GHR: variants seen among roughly 807,000 people sequenced by gnomAD.
GHR encodes GH receptor.
GHR carries 35 observed loss-of-function variants against 67.1 expected under a neutral mutation model. That is an observed-to-expected ratio of 0.52 (90% CI 0.40 to 0.69). The LOEUF is 0.69. Ranked by LOEUF, GHR falls within the 30% of genes least tolerant of loss-of-function variation. The pLI is 0.00. For missense variants in GHR, 792 were observed against 764.6 expected (o/e 1.04, Z -0.42); for synonymous variants, 272 against 269.1 (o/e 1.01, Z -0.10).
chr5:42,527,506 A>C (rs1747760987), intron 1 of GHR, among the ~76,000 whole-genome samples: 1 of 152,196 alleles, frequency 6.6e-6, no homozygotes, highest in African/African-American at 2.4e-5. Flanking sequence ...CAACAAGAAG[A>C]CCTAACTACC....
intron 1 of GHR, among the ~76,000 whole-genome samples, chr5:42,533,091 C>T (rs942879248): frequency 6.6e-5 from 10 of 152,104 alleles, no homozygotes; most frequent in African/African-American, 2.4e-4. Flanking sequence ...TCATTGCCAA[C>T]ACTTGATTAT....
chr5:42,657,644 T>G (rs562457595), intron 3 of GHR, among the ~76,000 whole-genome samples: 1 of 152,356 alleles, frequency 6.6e-6, no homozygotes, highest in Admixed American at 6.5e-5. Flanking sequence ...CCTGTTATAA[T>G]CAACTTCCTA....
chr5:42,504,703 G>A (rs1202760751), intron 1 of GHR, among the ~76,000 whole-genome samples: 1 of 152,048 alleles, frequency 6.6e-6, no homozygotes, highest in Non-Finnish European at 1.5e-5. Context: ...AGGTTGCAGT[G>A]AGCCGAGATC....
intron 2 of GHR, among the ~76,000 whole-genome samples, chr5:42,569,983 A>G (rs1750193118): frequency 6.6e-6 from 1 of 152,184 alleles, no homozygotes; most frequent in Admixed American, 6.5e-5. Context: ...CTGACAAAAC[A>G]CTTACTTGAA....
Position 42,483,494 on chromosome 5 carries a change from T to TA in GHR, c.-12+59554dup, listed in dbSNP as rs145669021. ...AAAGATGTATTTTATTTGGACATGT[T>TA]AAAAAAAAAAAAAAAGAACCGTGTG... On this transcript the variant is annotated intron_variant, in intron 1 of 9. Coordinates refer to ENST00000230882, the MANE Select transcript of GHR (RefSeq NM_000163.5). Among the ~76,000 whole-genome samples, 736 of 135,094 alleles carry TA rather than the reference T, an allele frequency of 5.4e-3. 5 individuals are homozygous for TA. The highest frequency in any genetic ancestry group is 0.011 in the Middle Eastern group (3 of 262). The allele number at this position is 135,094 out of a possible 152,430, so 88.6% of individuals were successfully genotyped here. A position where few individuals can be genotyped will look rare whatever the true frequency, so the allele number is the denominator to read the frequency against.
intron 1 of GHR, among the ~76,000 whole-genome samples, chr5:42,499,665 G>T (rs1419544112): frequency 6.6e-6 from 1 of 152,098 alleles, no homozygotes; most frequent in Non-Finnish European, 1.5e-5. Flanking sequence ...CCCCTTGCTT[G>T]GTCACTTAGG....
intron 1 of GHR, among the ~76,000 whole-genome samples, chr5:42,443,621 T>TG (rs1164773886): frequency 1.3e-5 from 2 of 152,074 alleles, no homozygotes; most frequent in Non-Finnish European, 2.9e-5. Flanking sequence ...GGTGTGTGTG[T>TG]GTGTGTGTGT....
At chr5:42,718,210 TATATCAC>T in intron 9 of GHR, 89 bp downstream of exon 9, 1 of 780,182 alleles carries the variant, frequency 1.3e-6, no homozygotes, top group Non-Finnish European at 2.2e-6. Flanking sequence ...GTAAGCTATA[TATATCAC>T]ATTCAATTTT....
At chr5:42,527,272 A>G (rs1001214636) in intron 1 of GHR, among the ~76,000 whole-genome samples, 4 of 152,234 alleles carry the variant, frequency 2.6e-5, no homozygotes, top group African/African-American at 9.6e-5. Context: ...CTTAAAAGGC[A>G]CAGAGTGGCA....
In GHR at chr5:42,713,277, C is replaced by T. The variant is rs1758559782; in HGVS notation, c.785-152C>T. The T allele has an allele frequency of 5.1e-6, 3 of 593,268 alleles. No individual in the cohort carries two copies. The Admixed American group carries it at 8.3e-5, about 16-fold the overall frequency. 36.8% of individuals were successfully genotyped at this position (593,268 alleles called of 1,614,324 possible). The stretch of plus-strand genomic sequence containing the variant: ...TTCATAAAACAGAAAAAAACTAAGT[C>T]GTTGCATTCTGTTTCAGTGGTTATC... On this transcript the variant is annotated intron_variant, in intron 7 of 9. Transcript: ENST00000230882.
At chr5:42,439,611 G>A (rs574842735) in intron 1 of GHR, among the ~76,000 whole-genome samples, 1 of 152,320 alleles carries the variant, frequency 6.6e-6, no homozygotes, top group East Asian at 1.9e-4. Context: ...ACACTGGAAG[G>A]TAGAAGGAGA....
rs369825370 is a variant in GHR, at chr5:42,629,002, G to C, written c.71-36G>C. ...AGGGTCATATCAGATTGTTTTGATG[G>C]GGATGACTAATGGTTTTCTTCTCTT... On this transcript the variant is annotated intron_variant, in intron 2 of 9. Coordinates refer to ENST00000230882, the MANE Select transcript of GHR (RefSeq NM_000163.5). The C allele has an allele frequency of 4.9e-5, 56 of 1,150,796 alleles. 17 individuals carry two copies. In the African/African-American group the frequency reaches 1.0e-3, roughly 21 times the overall value. 71.3% of individuals were successfully genotyped at this position (1,150,796 alleles called of 1,614,324 possible).
chr5:42,694,652 C>T (rs1000659093), intron 4 of GHR, among the ~76,000 whole-genome samples: 1 of 152,142 alleles, frequency 6.6e-6, no homozygotes, highest in African/African-American at 2.4e-5. Flanking sequence ...CCATAGGAAT[C>T]GATTTATGAG....
rs1222846419 is a variant in GHR at position 42,671,951 on chromosome 5, G to A, written c.137-16939G>A. 3.7e-4 allele frequency among the ~76,000 whole-genome samples: 31 copies of A among 82,792 alleles called. No individual in the cohort carries two copies. In the East Asian group the frequency reaches 8.3e-3, roughly 22 times the overall value. The allele number at this position is 82,792 out of a possible 152,430, so 54.3% of individuals were successfully genotyped here. A position where few individuals can be genotyped will look rare whatever the true frequency, so the allele number is the denominator to read the frequency against. On this transcript the variant is annotated intron_variant, in intron 3 of 9. Coordinates refer to ENST00000230882, the MANE Select transcript of GHR (RefSeq NM_000163.5). ...AGCCTGGGCGACAGAGCAAGACTCC[G>A]TCTCAAAAAAAAAAAAAAAAAGAAA...
chr5:42,672,366 C>T (rs1756360289), intron 3 of GHR, among the ~76,000 whole-genome samples: 1 of 152,036 alleles, frequency 6.6e-6, no homozygotes, highest in Admixed American at 6.6e-5. Flanking sequence ...ACATTGAGAG[C>T]CAAACCAAGA....
At chr5:42,555,744 A>T (rs1250290934) in intron 1 of GHR, among the ~76,000 whole-genome samples, 1 of 152,132 alleles carries the variant, frequency 6.6e-6, no homozygotes, top group Non-Finnish European at 1.5e-5. Flanking sequence ...TGGCAAGCCT[A>T]TGGCTAATTG....
chr5:42,719,310 A>G lies in GHR; in HGVS notation c.1803A>G (p.Val601=), dbSNP rs758812821. ...CAGACTATACCTCCATTCATATAGT[A>G]CAGTCCCCACAGGGCCTCATACTCA... ...PVPDYTSIHI[V]QSPQGLILNA... Residue 601 remains valine, a synonymous_variant, in exon 10 of 10, where the codon GTA becomes GTG. Coordinates refer to ENST00000230882, the MANE Select transcript of GHR (RefSeq NM_000163.5). 26 of 1,613,904 alleles carry G rather than the reference A, an allele frequency of 1.6e-5. No individual in the cohort carries two copies. Among genetic ancestry groups the G allele is most frequent in the Non-Finnish European group, 2.1e-5 (25 of 1,179,856 alleles).
intron 1 of GHR, among the ~76,000 whole-genome samples, chr5:42,451,474 G>A (rs189909009): frequency 1.6e-4 from 24 of 151,810 alleles, no homozygotes; most frequent in African/African-American, 5.3e-4. Flanking sequence ...GGCCGCAGTG[G>A]CTCACACCTG....
chr5:42,573,853 G>A (rs1282889514), intron 2 of GHR, among the ~76,000 whole-genome samples: 1 of 152,142 alleles, frequency 6.6e-6, no homozygotes, highest in African/African-American at 2.4e-5. Context: ...GATACTTTGT[G>A]TATTTTTTAA....
Sources: gnomAD v4.1 joint callset for allele counts (sites outside exome capture counted in the v4.1 genomes callset) on GRCh38, gnomAD v4.1.1 for gene constraint, MANE v1.5 for transcripts, NCBI Gene and HGNC (gene_info 2026-07-23, HGNC 2026-07-21) for gene names.